The following SUMF1 variants were observed in gnomAD, a reference collection of about 807,000 sequenced individuals.
SUMF1 encodes formylglycine-generating enzyme.
A neutral mutation model predicts 47.6 loss-of-function variants in SUMF1; 48 were observed. The observed-to-expected ratio is 1.01, with a 90% CI of 0.80 to 1.28. SUMF1 has a LOEUF of 1.28. Ranked by LOEUF, SUMF1 falls within the 50% of genes most tolerant of loss-of-function variation. The probability of loss-of-function intolerance (pLI) is 0.00; values close to 1 mark genes in which losing one functional copy is unlikely to be tolerated. For missense variants in SUMF1, 571 were observed against 485.4 expected (o/e 1.18, Z -1.66); for synonymous variants, 230 against 192.1 (o/e 1.20, Z -1.63).
chr3:4,218,155 G>A (rs1695979551), intron 8 of SUMF1, among the ~76,000 whole-genome samples: 1 of 151,362 alleles, frequency 6.6e-6, no homozygotes, highest in Admixed American at 6.6e-5. Flanking sequence ...GAAGACACTG[G>A]AAGAAGGCCA....
intron 9 of SUMF1, among the ~76,000 whole-genome samples, chr3:4,037,818 G>A (rs1694827670): frequency 6.6e-6 from 1 of 152,132 alleles, no homozygotes; most frequent in Non-Finnish European, 1.5e-5. Context: ...ATTGAATATG[G>A]TCAGTAGACT....
At chr3:4,356,490 G>A (rs1372934592), downstream of SUMF1, among the ~76,000 whole-genome samples, 1 of 152,030 alleles carries the variant, frequency 6.6e-6, no homozygotes, top group Non-Finnish European at 1.5e-5. Context: ...GAGGTCCCTG[G>A]GCAAGCCACG....
At chr3:4,162,585 G>T (rs1694603623) in intron 8 of SUMF1, among the ~76,000 whole-genome samples, 1 of 152,148 alleles carries the variant, frequency 6.6e-6, no homozygotes, top group Non-Finnish European at 1.5e-5. Flanking sequence ...TACTGTGACA[G>T]CACAGCACTG....
At chr3:4,221,621 T>C (rs1369881309) in intron 8 of SUMF1, among the ~76,000 whole-genome samples, 1 of 152,130 alleles carries the variant, frequency 6.6e-6, no homozygotes. Flanking sequence ...CTCATTCAGT[T>C]ATTTGATAAA....
At chr3:4,257,668 T>C (rs1396418286) in intron 8 of SUMF1, among the ~76,000 whole-genome samples, 15 of 149,440 alleles carry the variant, frequency 1.0e-4, no homozygotes, top group African/African-American at 3.4e-4. Context: ...ATCAATATCA[T>C]GAAAATGGCC....
intron 8 of SUMF1, among the ~76,000 whole-genome samples, chr3:4,296,690 C>G (rs183511985): frequency 4.3e-4 from 65 of 152,212 alleles, no homozygotes; most frequent in Non-Finnish European, 9.1e-4. Context: ...ATTACAGGAG[C>G]TACAATTCAA....
At chr3:4,283,778 A>G (rs1318972194) in intron 8 of SUMF1, among the ~76,000 whole-genome samples, 1 of 152,056 alleles carries the variant, frequency 6.6e-6, no homozygotes, top group African/African-American at 2.4e-5. Flanking sequence ...ACAGAAATTA[A>G]TTTTTCACAG....
intron 8 of SUMF1, among the ~76,000 whole-genome samples, chr3:4,213,887 C>T (rs1410291110): frequency 2.6e-5 from 4 of 152,130 alleles, no homozygotes; most frequent in Non-Finnish European, 5.9e-5. Context: ...GCACCCAATA[C>T]AGGAGGATCC....
intron 8 of SUMF1, among the ~76,000 whole-genome samples, chr3:4,271,592 C>T (rs1051628312): frequency 2.6e-5 from 4 of 152,090 alleles, no homozygotes; most frequent in Non-Finnish European, 4.4e-5. Flanking sequence ...GTCTTGAAAT[C>T]CCAGGCTCAA....
At chr3:4,380,689 C>T (rs551049005) in intron 7 of SUMF1, among the ~76,000 whole-genome samples, 3 of 152,278 alleles carry the variant, frequency 2.0e-5, no homozygotes, top group Admixed American at 6.5e-5. Context: ...TACTACTGCC[C>T]GTAACTGCTC....
rs79751217 is a variant in SUMF1 at position 4,369,429 on chromosome 3, G to A, written c.1014+6901C>T. Among the ~76,000 whole-genome samples, 901 of 152,170 alleles carry A rather than the reference G, an allele frequency of 5.9e-3. 7 individuals are homozygous for A. Among genetic ancestry groups the A allele is most frequent in the African/African-American group, 0.02 (842 of 41,492 alleles). On this transcript the variant is annotated intron_variant, in intron 8 of 8. Coordinates refer to ENST00000272902, the MANE Select transcript of SUMF1 (RefSeq NM_182760.4). ...TCATTCCATGCAGGGCCTACTCGTC[G>A]GGCTGCTGTGAAACAACAGTGCTTT...
At chr3:4,072,745 T>A (rs1692302514) in intron 8 of SUMF1, among the ~76,000 whole-genome samples, 1 of 151,956 alleles carries the variant, frequency 6.6e-6, no homozygotes, top group Non-Finnish European at 1.5e-5. Context: ...TGATTGAAGG[T>A]CAAATTGATG....
intron 7 of SUMF1, among the ~76,000 whole-genome samples, chr3:4,397,784 G>C (rs749823840): frequency 6.6e-6 from 1 of 151,836 alleles, no homozygotes; most frequent in Non-Finnish European, 1.5e-5. Context: ...TCCCTAAAAA[G>C]GTCCAAAAAA....
At chr3:4,261,253 G>A (rs1022404749) in intron 8 of SUMF1, among the ~76,000 whole-genome samples, 2 of 152,184 alleles carry the variant, frequency 1.3e-5, no homozygotes, top group Admixed American at 6.5e-5. Context: ...TGCAGAGAGA[G>A]AAGGGGAGAG....
intron 1 of SUMF1, among the ~76,000 whole-genome samples, chr3:4,464,203 G>T (rs928088956): frequency 6.6e-6 from 1 of 151,918 alleles, no homozygotes; most frequent in Non-Finnish European, 1.5e-5. Flanking sequence ...CTCCTTCTTG[G>T]AATGTCCTTG....
intron 8 of SUMF1, among the ~76,000 whole-genome samples, chr3:4,334,511 C>G (rs549025051): frequency 3.9e-5 from 6 of 152,324 alleles, no homozygotes; most frequent in African/African-American, 1.4e-4. Flanking sequence ...AGGACATGTT[C>G]TCTAGGATCT....
intron 8 of SUMF1, among the ~76,000 whole-genome samples, chr3:4,311,216 G>T (rs1575079318): frequency 1.3e-5 from 2 of 152,048 alleles, no homozygotes; most frequent in Non-Finnish European, 2.9e-5. Flanking sequence ...GTTTTTTTTA[G>T]TGTAGGGTTT....
chr3:4,419,120 T>C (rs1412177584), intron 4 of SUMF1, among the ~76,000 whole-genome samples: 1 of 152,234 alleles, frequency 6.6e-6, no homozygotes, highest in African/African-American at 2.4e-5. Context: ...ATAACATACA[T>C]TCCCCTTTTG....
chr3:4,093,437 A>G (rs566894488), intron 8 of SUMF1, among the ~76,000 whole-genome samples: 266 of 152,250 alleles, frequency 1.7e-3, no homozygotes, highest in Middle Eastern at 3.4e-3. Context: ...CTTTGCAAAT[A>G]GGAACACAGG....
Sources: allele counts gnomAD v4.1 joint callset (sites outside exome capture counted in the v4.1 genomes callset), GRCh38; gene constraint gnomAD v4.1.1; transcripts MANE v1.5; gene names NCBI Gene and HGNC (gene_info 2026-07-23, HGNC 2026-07-21).